The following MAPK14 variants were observed in gnomAD, a reference collection of about 807,000 sequenced individuals.
The protein encoded by MAPK14 is CSAID-binding protein.
In MAPK14, 16 loss-of-function variants were observed where a neutral mutation model predicts 49.6. The observed-to-expected ratio is 0.32, with a 90% CI of 0.22 to 0.49. The LOEUF is 0.49. MAPK14 is among the 20% of genes least tolerant of loss of function. The pLI is 0.99. For missense variants in MAPK14, 200 were observed against 441.2 expected, an observed-to-expected ratio of 0.45 and a Z score of 4.90; for synonymous variants, 142 against 158.0, an observed-to-expected ratio of 0.90 and a Z score of 0.76.
intron 3 of MAPK14, among the ~76,000 whole-genome samples, chr6:36,062,405 C>T (rs1309739510): frequency 6.6e-6 from 1 of 152,172 alleles, no homozygotes; most frequent in Non-Finnish European, 1.5e-5. Flanking sequence ...TTCAGTGTTA[C>T]ACAATTGGGA....
intron 8 of MAPK14, chr6:36,092,044 A>G (rs1461116003): frequency 1.0e-4 from 49 of 472,112 alleles, no homozygotes; most frequent in Non-Finnish European, 9.6e-5. Context: ...TTTCAGTGCT[A>G]GAGCATGGGA....
At chr6:36,042,686 G>A (rs1026459974) in intron 1 of MAPK14, among the ~76,000 whole-genome samples, 1 of 151,194 alleles carries the variant, frequency 6.6e-6, no homozygotes, top group African/African-American at 2.4e-5. Flanking sequence ...TAGACACGAG[G>A]TCTCACTATG....
At chr6:36,052,637 A>G in intron 1 of MAPK14, 62 bp from the exon 2 acceptor site, 1 of 1,465,972 alleles carries the variant, frequency 6.8e-7, no homozygotes, top group Non-Finnish European at 9.1e-7. Context: ...CCTTATAAAT[A>G]CCCCAAAATA....
chr6:36,067,523 T>C (rs1204293487), intron 3 of MAPK14, among the ~76,000 whole-genome samples: 2 of 152,212 alleles, frequency 1.3e-5, no homozygotes, highest in South Asian at 4.1e-4. Context: ...TCTGAAAGCA[T>C]GCTCAGTGCT....
intron 9 of MAPK14, 115 bp downstream of exon 9, chr6:36,096,181 ACTTCCCGGATGAGTG>A: frequency 1.4e-6 from 1 of 708,418 alleles, no homozygotes; most frequent in Non-Finnish European, 2.5e-6. Flanking sequence ...TTGTGTGCTG[ACTTCCCGGATGAGTG>A]AGGTATAAGA....
chr6:36,044,266 G>T (rs1056298005), intron 1 of MAPK14, among the ~76,000 whole-genome samples: 3 of 152,118 alleles, frequency 2.0e-5, no homozygotes, highest in African/African-American at 4.8e-5. Context: ...ACCATTGAAA[G>T]AAATTGTAAA....
chr6:36,055,591 G>A (rs760319638), intron 2 of MAPK14, among the ~76,000 whole-genome samples: 11 of 152,038 alleles, frequency 7.2e-5, no homozygotes, highest in Non-Finnish European at 1.6e-4. Flanking sequence ...AGGAGTTAAG[G>A]AAATAGACTA....
chr6:36,034,964 T>G (rs1310046153), intron 1 of MAPK14, among the ~76,000 whole-genome samples: 1 of 149,966 alleles, frequency 6.7e-6, no homozygotes, highest in African/African-American at 2.5e-5. Context: ...CATGGTGCGA[T>G]CTCGGCTCAC....
At chr6:36,121,036 A>T in the MAPK14 span, among the ~76,000 whole-genome samples, 2,600 of 152,224 alleles carry the variant, frequency 0.017, 58 homozygotes, top group African/African-American at 0.057. Flanking sequence ...GCTGCTGAGC[A>T]GGTTGTAAGG....
chr6:36,121,487 C>T, the MAPK14 span, among the ~76,000 whole-genome samples: 1 of 152,070 alleles, frequency 6.6e-6, no homozygotes, highest in African/African-American at 2.4e-5. Context: ...GAAGGGCAGC[C>T]CTGGGCAAGT....
At chr6:36,071,489 T>C (rs1468887165) in intron 3 of MAPK14, among the ~76,000 whole-genome samples, 1 of 152,124 alleles carries the variant, frequency 6.6e-6, no homozygotes, top group African/African-American at 2.4e-5. Context: ...TCTTACCACA[T>C]AAAGATGGGA....
At chr6:36,063,282 C>G (rs533888386) in intron 3 of MAPK14, among the ~76,000 whole-genome samples, 2 of 152,126 alleles carry the variant, frequency 1.3e-5, no homozygotes, top group South Asian at 2.1e-4. Context: ...ACATAGAAAA[C>G]AACAGTAAAA....
chr6:36,091,794 A>T (rs979821081), intron 8 of MAPK14, among the ~76,000 whole-genome samples: 1 of 150,116 alleles, frequency 6.7e-6, no homozygotes, highest in Non-Finnish European at 1.5e-5. Context: ...AGGGCAAGGC[A>T]GTGGGGTAAA....
At chr6:36,069,015 CAACTT>C (rs969990710) in intron 3 of MAPK14, among the ~76,000 whole-genome samples, 11 of 152,198 alleles carry the variant, frequency 7.2e-5, no homozygotes, top group Admixed American at 2.6e-4. Context: ...TAATAAAGTC[CAACTT>C]AACTTAATTC....
At chr6:36,086,386 CATAAA>C (rs1192870086) in intron 8 of MAPK14, among the ~76,000 whole-genome samples, 2 of 151,806 alleles carry the variant, frequency 1.3e-5, no homozygotes, top group African/African-American at 4.8e-5. Context: ...TTTTGAAAAA[CATAAA>C]ATAAAATAAA....
chr6:36,103,285 G>A (rs1765697079), intron 10 of MAPK14, among the ~76,000 whole-genome samples: 1 of 152,044 alleles, frequency 6.6e-6, no homozygotes, highest in Admixed American at 6.6e-5. Context: ...CTGAAGATAT[G>A]TGTTGCCTTG....
intron 8 of MAPK14, among the ~76,000 whole-genome samples, chr6:36,095,290 G>A (rs1380923680): frequency 1.3e-5 from 2 of 152,184 alleles, no homozygotes; most frequent in East Asian, 1.9e-4. Context: ...CATTTTATAA[G>A]GTTGAAACCG....
chr6:36,056,892 G>A (rs1763610767), intron 2 of MAPK14, among the ~76,000 whole-genome samples: 1 of 152,170 alleles, frequency 6.6e-6, no homozygotes, highest in African/African-American at 2.4e-5. Flanking sequence ...GTGATTAAAA[G>A]ACCAGAGGTC....
At chr6:36,101,968 G>A (rs929648052) in intron 9 of MAPK14, among the ~76,000 whole-genome samples, 2 of 152,210 alleles carry the variant, frequency 1.3e-5, no homozygotes, top group Non-Finnish European at 2.9e-5. Flanking sequence ...AGCAGATAAT[G>A]TTTCTTGAAC....
Sources: gnomAD v4.1 joint callset for allele counts (sites outside exome capture counted in the v4.1 genomes callset) on GRCh38, gnomAD v4.1.1 for gene constraint, MANE v1.5 for transcripts, NCBI Gene and HGNC (gene_info 2026-07-23, HGNC 2026-07-21) for gene names.